The following BMAL2 variants were observed in gnomAD, a reference collection of about 807,000 sequenced individuals.
BMAL2 encodes basic helix-loop-helix ARNT like 2.
the BMAL2 span, among the ~76,000 whole-genome samples, chr12:27,334,027 C>T: frequency 3.3e-5 from 5 of 152,164 alleles, no homozygotes; most frequent in African/African-American, 7.2e-5. Context: ...TCTCCCCTTT[C>T]CTTTTGGAAT....
the BMAL2 span, among the ~76,000 whole-genome samples, chr12:27,390,835 A>C: frequency 6.6e-6 from 1 of 152,176 alleles, no homozygotes; most frequent in Non-Finnish European, 1.5e-5. Flanking sequence ...GCCTAAGAGC[A>C]TATTAAGCTA....
At chr12:27,368,559 T>C in the BMAL2 span, 7 of 1,054,288 alleles carry the variant, frequency 6.6e-6, no homozygotes, top group South Asian at 1.7e-5. Context: ...GCTACCTTTG[T>C]CGGTGACTGA....
the BMAL2 span, among the ~76,000 whole-genome samples, chr12:27,414,203 G>C: frequency 6.6e-6 from 1 of 152,152 alleles, no homozygotes; most frequent in African/African-American, 2.4e-5. Context: ...TAACCAAATT[G>C]AAGGGACAAA....
the BMAL2 span, among the ~76,000 whole-genome samples, chr12:27,416,797 A>G: frequency 3.3e-5 from 5 of 152,034 alleles, no homozygotes; most frequent in African/African-American, 1.2e-4. Context: ...CTTTCTAAAA[A>G]AGATTTTTTA....
the BMAL2 span, among the ~76,000 whole-genome samples, chr12:27,357,751 A>G: frequency 1.3e-5 from 2 of 152,336 alleles, no homozygotes; most frequent in South Asian, 4.1e-4. Flanking sequence ...AAACAAAAAC[A>G]TAAAGTGGGG....
the BMAL2 span, among the ~76,000 whole-genome samples, chr12:27,394,788 G>T: frequency 6.6e-6 from 1 of 152,166 alleles, no homozygotes; most frequent in African/African-American, 2.4e-5. Context: ...TTTGGATGAG[G>T]TCATGAGGAT....
the BMAL2 span, chr12:27,424,175 C>T: frequency 1.3e-5 from 2 of 152,104 alleles, no homozygotes; most frequent in South Asian, 4.1e-4. Flanking sequence ...TTGGACAGCG[C>T]TGCTCTAGAA....
the BMAL2 span, chr12:27,368,258 A>T: frequency 6.2e-7 from 1 of 1,614,074 alleles, no homozygotes; most frequent in Non-Finnish European, 8.5e-7. Flanking sequence ...TCTGCTGCCC[A>T]TAGGTAAAGT....
At chr12:27,367,245 A>G in the BMAL2 span, among the ~76,000 whole-genome samples, 1 of 145,816 alleles carries the variant, frequency 6.9e-6, no homozygotes, top group South Asian at 2.2e-4. Flanking sequence ...ACCAGCTACT[A>G]AGTGACTCGC....
At chr12:27,388,860 A>T in the BMAL2 span, among the ~76,000 whole-genome samples, 2 of 152,252 alleles carry the variant, frequency 1.3e-5, no homozygotes, top group South Asian at 4.1e-4. Context: ...TTTAACAAGG[A>T]CAAAAAAAGT....
chr12:27,334,774 C>A, the BMAL2 span, among the ~76,000 whole-genome samples: 43 of 152,314 alleles, frequency 2.8e-4, no homozygotes, highest in African/African-American at 9.9e-4. Context: ...TGTTTCTGTG[C>A]GGGCTGGGAG....
At chr12:27,416,485 C>G in the BMAL2 span, among the ~76,000 whole-genome samples, 1 of 152,126 alleles carries the variant, frequency 6.6e-6, no homozygotes, top group Non-Finnish European at 1.5e-5. Context: ...ATTTGAAATG[C>G]ATTATTGTAT....
chr12:27,402,435 T>C, the BMAL2 span, among the ~76,000 whole-genome samples: 1 of 152,234 alleles, frequency 6.6e-6, no homozygotes, highest in Non-Finnish European at 1.5e-5. Context: ...ATGGGGCATT[T>C]GGCAAACACC....
At chr12:27,420,012 T>TGCGCGCGCGCGCGC in the BMAL2 span, among the ~76,000 whole-genome samples, 6 of 64,822 alleles carry the variant, frequency 9.3e-5, no homozygotes, top group African/African-American at 4.6e-4. Flanking sequence ...TTCCAGGGTT[T>TGCGCGCGCGCGCGC]GCGCGTGCAC....
At chr12:27,380,187 CGGGG>C in the BMAL2 span, 5 of 1,545,070 alleles carry the variant, frequency 3.2e-6, no homozygotes, top group Non-Finnish European at 4.4e-6. Flanking sequence ...GTGAGCAACA[CGGGG>C]GTGACTGGGG....
At chr12:27,372,836 G>C in the BMAL2 span, among the ~76,000 whole-genome samples, 2 of 151,960 alleles carry the variant, frequency 1.3e-5, no homozygotes, top group African/African-American at 4.8e-5. Flanking sequence ...ACCACACCTG[G>C]CTAATTTTTT....
the BMAL2 span, chr12:27,400,734 C>T: frequency 4.3e-6 from 7 of 1,611,452 alleles, no homozygotes; most frequent in African/African-American, 2.7e-5. Flanking sequence ...ATTTATAACC[C>T]GGTTTGCAGT....
At chr12:27,395,489 A>G in the BMAL2 span, among the ~76,000 whole-genome samples, 3 of 152,138 alleles carry the variant, frequency 2.0e-5, no homozygotes, top group South Asian at 2.1e-4. Flanking sequence ...TAGCCCTGCT[A>G]TGGTATTTTG....
the BMAL2 span, among the ~76,000 whole-genome samples, chr12:27,381,774 G>T: frequency 6.6e-6 from 1 of 152,150 alleles, no homozygotes; most frequent in East Asian, 1.9e-4. Context: ...ATGTAAATTT[G>T]CACTGAAAAG....
Sources: allele counts gnomAD v4.1 joint callset (sites outside exome capture counted in the v4.1 genomes callset), GRCh38; gene constraint gnomAD v4.1.1; transcripts MANE v1.5; gene names NCBI Gene and HGNC (gene_info 2026-07-23, HGNC 2026-07-21).